Variants in PALLD observed in about 807,000 individuals in gnomAD.
The protein encoded by PALLD is palladin.
A neutral mutation model predicts 123.5 loss-of-function variants in PALLD; 61 were observed. That is an observed-to-expected ratio of 0.49 (90% confidence interval 0.40 to 0.61). The LOEUF (loss-of-function observed/expected upper bound fraction) is 0.61. Among genes scored for constraint, PALLD ranks in the 20% least tolerant of loss-of-function variants. The pLI, the probability that PALLD is intolerant of heterozygous loss-of-function variation, is 0.00. For synonymous variants in PALLD, 465 were observed against 496.4 expected (o/e 0.94, Z 0.84); for missense variants, 1,273 against 1,377.0 (o/e 0.92, Z 1.20).
chr4:168,877,865 TGCACGCCGCCC>T, intron 10 of PALLD: 1 of 1,411,588 alleles, frequency 7.1e-7, no homozygotes, highest in Admixed American at 2.6e-5. Context: ...GCTCGCGGCC[TGCACGCCGCCC>T]GCGTCCCCGG....
chr4:168,710,538 GACACA>G, intron 9 of PALLD, among the ~76,000 whole-genome samples: 1 of 152,320 alleles, frequency 6.6e-6, no homozygotes, highest in Admixed American at 6.5e-5. Context: ...TGGCAGCAGA[GACACA>G]ACCAAAACTT....
intron 2 of PALLD, among the ~76,000 whole-genome samples, chr4:168,664,994 C>A (rs908379083): frequency 1.3e-5 from 2 of 152,044 alleles, no homozygotes; most frequent in South Asian, 2.1e-4. Context: ...TATGAAGAGA[C>A]AAAATGTCAA....
At chr4:168,835,868 G>C (rs2150890621) in intron 10 of PALLD, among the ~76,000 whole-genome samples, 1 of 152,268 alleles carries the variant, frequency 6.6e-6, no homozygotes, top group Admixed American at 6.5e-5. Flanking sequence ...CTGGCTCAAA[G>C]AGTTTTAATG....
chr4:168,771,698 C>A (rs1302908849), intron 10 of PALLD, among the ~76,000 whole-genome samples: 1 of 152,172 alleles, frequency 6.6e-6, no homozygotes, highest in African/African-American at 2.4e-5. Flanking sequence ...CATCACCCCC[C>A]AAACACACCC....
At chr4:168,598,392 C>A in intron 2 of PALLD, 1 of 623,858 alleles carries the variant, frequency 1.6e-6, no homozygotes, top group South Asian at 1.4e-5. Flanking sequence ...GTTAAGCTGT[C>A]AGCACCAAGC....
intron 2 of PALLD, among the ~76,000 whole-genome samples, chr4:168,578,631 C>G (rs1005843925): frequency 6.6e-6 from 1 of 151,804 alleles, no homozygotes; most frequent in Non-Finnish European, 1.5e-5. Flanking sequence ...CAGACTGATA[C>G]AGTGTTCTAA....
intron 2 of PALLD, among the ~76,000 whole-genome samples, chr4:168,611,718 G>A (rs1773745333): frequency 1.3e-5 from 2 of 152,130 alleles, no homozygotes; most frequent in African/African-American, 4.8e-5. Flanking sequence ...CAACTACCTG[G>A]AATCTGGGCT....
intron 2 of PALLD, among the ~76,000 whole-genome samples, chr4:168,590,943 G>A (rs369662919): frequency 3.2e-5 from 4 of 126,162 alleles, no homozygotes; most frequent in South Asian, 2.6e-4. Flanking sequence ...GCAATGGTGC[G>A]ATCTCGGCTC....
At chr4:168,744,862 A>C (rs1788699147) in intron 10 of PALLD, among the ~76,000 whole-genome samples, 1 of 152,224 alleles carries the variant, frequency 6.6e-6, no homozygotes, top group Non-Finnish European at 1.5e-5. Context: ...ACTGTAGGCT[A>C]ATAGAAGTGT....
chr4:168,631,688 C>G (rs1775827278), intron 2 of PALLD: 9 of 985,348 alleles, frequency 9.1e-6, no homozygotes, highest in Non-Finnish European at 9.6e-6. Flanking sequence ...GGAGGCTTCC[C>G]GGGAGCCGGC....
intron 6 of PALLD, among the ~76,000 whole-genome samples, chr4:168,686,910 G>A (rs1782116862): frequency 6.6e-6 from 1 of 152,194 alleles, no homozygotes. Context: ...AGGACAGTAT[G>A]GTACTGGTAC....
intron 2 of PALLD, among the ~76,000 whole-genome samples, chr4:168,626,318 C>T (rs1322201284): frequency 1.4e-5 from 2 of 148,028 alleles, no homozygotes; most frequent in South Asian, 2.2e-4. Context: ...AGGAGAATGG[C>T]GTGAACCGGG....
chr4:168,754,669 G>A (rs1257560796), intron 10 of PALLD, among the ~76,000 whole-genome samples: 1 of 152,060 alleles, frequency 6.6e-6, no homozygotes, highest in Non-Finnish European at 1.5e-5. Context: ...GTATCTCAAA[G>A]TAAAATGTGC....
At chr4:168,592,655 GACCCTA>G (rs1376343054) in intron 2 of PALLD, among the ~76,000 whole-genome samples, 5 of 151,814 alleles carry the variant, frequency 3.3e-5, no homozygotes, top group Non-Finnish European at 7.4e-5. Context: ...TATTTGACTT[GACCCTA>G]ACTCTTCTTC....
chr4:168,614,535 T>TA (rs903606414), intron 2 of PALLD, among the ~76,000 whole-genome samples: 6 of 151,416 alleles, frequency 4.0e-5, no homozygotes, highest in Non-Finnish European at 5.9e-5. Context: ...GGACTCTGAT[T>TA]AAAAAAAAAT....
chr4:168,898,271 C>G (rs1050121863), intron 13 of PALLD: 1 of 576,634 alleles, frequency 1.7e-6, no homozygotes, highest in Admixed American at 3.0e-5. Context: ...TTCCTACCCC[C>G]CTCTTTTTGG....
chr4:168,621,952 G>A (rs1403472565), intron 2 of PALLD, among the ~76,000 whole-genome samples: 1 of 152,058 alleles, frequency 6.6e-6, no homozygotes, highest in African/African-American at 2.4e-5. Flanking sequence ...TGACTTATAT[G>A]GGCACCCTAG....
intron 1 of PALLD, among the ~76,000 whole-genome samples, chr4:168,506,507 T>C (rs951364610): frequency 6.6e-6 from 1 of 152,176 alleles, no homozygotes; most frequent in African/African-American, 2.4e-5. Context: ...GTTTGTCCTA[T>C]AATAACTCAT....
rs750529613 is a variant in PALLD, at chr4:168,511,883, CT to C, written c.380del (p.Leu127ArgfsTer26). Reference sequence around the variant, plus strand: ...AAAGAGGAAACCTGCCATGTCACCCCTGCTCACCAGGCCCAGCTACATCCGG... The same window carrying C: ...AAAGAGGAAACCTGCCATGTCACCCCGCTCACCAGGCCCAGCTACATCCGG... ...VSKRKPAMSP[L>X]LTRPSYIRSL... is the part of the protein sequence containing the mutation. On this transcript the variant is annotated frameshift_variant, in exon 2 of 22. Transcript: ENST00000505667. LOFTEE classifies it high-confidence loss of function. 2.5e-6 allele frequency: 4 copies of C among 1,614,168 alleles called. No individual in the cohort carries two copies. The highest frequency in any genetic ancestry group is 3.4e-6 in the Non-Finnish European group (4 of 1,180,012).
Sources: gnomAD v4.1 joint callset for allele counts (sites outside exome capture counted in the v4.1 genomes callset) on GRCh38, gnomAD v4.1.1 for gene constraint, MANE v1.5 for transcripts, NCBI Gene and HGNC (gene_info 2026-07-23, HGNC 2026-07-21) for gene names.